Variants in NEO1 observed in about 807,000 individuals in gnomAD.
NEO1 encodes the protein neogenin.
In NEO1, 63 loss-of-function variants were observed where a neutral mutation model predicts 159.7. That is an observed-to-expected ratio of 0.39 (90% CI 0.32 to 0.49). The LOEUF is 0.49. NEO1 is among the 20% of genes least tolerant of loss of function. NEO1 has a pLI of 0.85. For missense variants in NEO1, 1,615 were observed against 1,831.0 expected (o/e 0.88, Z 2.15); for synonymous variants, 633 against 662.0 (o/e 0.96, Z 0.67).
intron 22 of NEO1, among the ~76,000 whole-genome samples, chr15:73,281,452 T>C (rs868468860): frequency 5.9e-5 from 9 of 151,992 alleles, no homozygotes; most frequent in African/African-American, 2.2e-4. Flanking sequence ...AGACGAGGTT[T>C]CACCATGTTA....
At chr15:73,219,229 G>A (rs1338658465) in intron 7 of NEO1, among the ~76,000 whole-genome samples, 46 of 152,004 alleles carry the variant, frequency 3.0e-4, no homozygotes, top group Admixed American at 2.7e-3. Flanking sequence ...GTAGTTGAGC[G>A]GCTTTGAGTG....
intron 5 of NEO1, among the ~76,000 whole-genome samples, chr15:73,145,066 A>C (rs2032771955): frequency 6.6e-6 from 1 of 152,186 alleles, no homozygotes; most frequent in Non-Finnish European, 1.5e-5. Flanking sequence ...TCTTTCATTA[A>C]AAACTTGGAA....
At chr15:73,207,111 G>A (rs756259773) in intron 7 of NEO1, among the ~76,000 whole-genome samples, 3 of 152,168 alleles carry the variant, frequency 2.0e-5, no homozygotes, top group Non-Finnish European at 2.9e-5. Flanking sequence ...AATCCAGCTT[G>A]ATCCAATCAC....
At chr15:73,300,645 C>T (rs200906040) in intron 27 of NEO1, among the ~76,000 whole-genome samples, 26 of 152,294 alleles carry the variant, frequency 1.7e-4, no homozygotes, top group Non-Finnish European at 3.2e-4. Context: ...GCTGGAGAAT[C>T]ACTTGAACCC....
intron 1 of NEO1, among the ~76,000 whole-genome samples, chr15:73,062,897 C>T (rs1372558037): frequency 6.6e-6 from 1 of 152,106 alleles, no homozygotes; most frequent in Non-Finnish European, 1.5e-5. Context: ...AACGTAGGCT[C>T]ACAGGTTATC....
Position 73,266,414 on chromosome 15 carries a change from A to G in NEO1, c.2494+3A>G. On this transcript the variant is annotated splice_donor_region_variant and intron_variant, in intron 16 of 28. Transcript: ENST00000261908. ...TGCTGTGACCAGGCCTCACACAGGTAAGGTATCCTATCTTTCCTAGTCTCC... is the reference window on the plus strand; with the variant it reads ...TGCTGTGACCAGGCCTCACACAGGTGAGGTATCCTATCTTTCCTAGTCTCC... 1 of 1,604,996 alleles carries G rather than the reference A, an allele frequency of 6.2e-7. No homozygotes were observed.
chr15:73,126,660 T>G (rs1029955546), intron 4 of NEO1, 90 bp downstream of exon 4: 5 of 1,228,332 alleles, frequency 4.1e-6, no homozygotes, highest in Non-Finnish European at 5.6e-6. Flanking sequence ...TTAAAAAGAT[T>G]ATCAACTTTA....
chr15:73,233,505 A>C (rs115242166), intron 7 of NEO1, among the ~76,000 whole-genome samples: 1 of 152,168 alleles, frequency 6.6e-6, no homozygotes, highest in South Asian at 2.1e-4. Flanking sequence ...ATAAATGTAC[A>C]CTTGGTTATC....
At chr15:73,112,517 A>G (rs1343513288) in intron 1 of NEO1, among the ~76,000 whole-genome samples, 1 of 152,098 alleles carries the variant, frequency 6.6e-6, no homozygotes, top group East Asian at 1.9e-4. Context: ...GCCTAACTCC[A>G]GGATTATCCT....
intron 1 of NEO1, among the ~76,000 whole-genome samples, chr15:73,066,208 G>T (rs2068211652): frequency 8.1e-6 from 1 of 123,448 alleles, no homozygotes; most frequent in Non-Finnish European, 1.7e-5. Context: ...TGTACGTTTA[G>T]TAGTGACGGG....
rs2042464356 is a variant in NEO1, at chr15:73,298,411, C to T, written c.3965C>T (p.Thr1322Ile). 1 of 1,614,234 alleles carries T rather than the reference C, an allele frequency of 6.2e-7. No individual in the cohort carries two copies. Among genetic ancestry groups the T allele is most frequent in the African/African-American group, 1.3e-5 (1 of 75,060 alleles). Residue 1322 changes from threonine to isoleucine, a missense_variant, in exon 27 of 29, where the codon ACT becomes ATT. This residue lies in a region of NEO1 where 471 missense variants were observed against 498.9 expected (regional missense o/e 0.94). Coordinates refer to ENST00000261908, the MANE Select transcript of NEO1 (RefSeq NM_002499.4). ...GCCTCTTCGTCTCAAACATGCTGCA[C>T]TGATCACCAGGACCCTGAAGGTGCT... ...MPASSSQTCC[T>I]DHQDPEGATS...
chr15:73,097,036 G>A (rs1948064687), intron 1 of NEO1, among the ~76,000 whole-genome samples: 1 of 152,026 alleles, frequency 6.6e-6, no homozygotes, highest in African/African-American at 2.4e-5. Flanking sequence ...GAGGCGGAAG[G>A]ATCAATTGAG....
In NEO1 at chr15:73,236,333, T is replaced by C. The variant is rs1388463146; in HGVS notation, c.1292-14T>C. 2 of 1,614,178 alleles carry C rather than the reference T, an allele frequency of 1.2e-6. No homozygotes were observed. The highest frequency in any genetic ancestry group is 1.7e-6 in the Non-Finnish European group (2 of 1,180,008). On this transcript the variant is annotated splice_polypyrimidine_tract_variant and intron_variant, in intron 7 of 28. Transcript: ENST00000261908. Reference sequence around the variant, plus strand: ...CTCCCACTTCACTGACCAGTGCCACTACTGACCATCTAGCACCAGCCACAA... The same window carrying C: ...CTCCCACTTCACTGACCAGTGCCACCACTGACCATCTAGCACCAGCCACAA...
intron 1 of NEO1, among the ~76,000 whole-genome samples, chr15:73,061,494 AC>A (rs886211338): frequency 6.6e-6 from 1 of 152,178 alleles, no homozygotes; most frequent in Admixed American, 6.5e-5. Flanking sequence ...AGGAAGTGTG[AC>A]CAGGAGGGGA....
intron 5 of NEO1, among the ~76,000 whole-genome samples, chr15:73,165,680 G>A (rs2034523837): frequency 6.6e-6 from 1 of 152,198 alleles, no homozygotes; most frequent in African/African-American, 2.4e-5. Context: ...GACACAAAGG[G>A]TGAGGTTGGA....
At chr15:73,268,046 A>G (rs926028006) in intron 16 of NEO1, among the ~76,000 whole-genome samples, 4 of 152,074 alleles carry the variant, frequency 2.6e-5, no homozygotes, top group Admixed American at 6.6e-5. Context: ...GGTGTGAGCT[A>G]TGTCACTCTA....
At chr15:73,116,418 T>G in intron 1 of NEO1, 122 bp from the exon 2 acceptor site, 1 of 713,706 alleles carries the variant, frequency 1.4e-6, no homozygotes, top group Admixed American at 5.1e-5. Context: ...GAGATGACTA[T>G]ATTTATGTGT....
intron 1 of NEO1, among the ~76,000 whole-genome samples, chr15:73,076,441 C>G (rs901646916): frequency 2.6e-5 from 4 of 152,114 alleles, no homozygotes; most frequent in Admixed American, 1.3e-4. Context: ...GTCCTTTCTG[C>G]TAAATGAATG....
chr15:73,133,860 C>T (rs1051937185), intron 4 of NEO1, among the ~76,000 whole-genome samples: 1 of 152,146 alleles, frequency 6.6e-6, no homozygotes, highest in East Asian at 1.9e-4. Context: ...AAATCAATCC[C>T]GTTAAGAAAG....
Sources: allele counts gnomAD v4.1 joint callset (sites outside exome capture counted in the v4.1 genomes callset), GRCh38; gene constraint gnomAD v4.1.1; regional missense constraint gnomAD v4.1.1; transcripts MANE v1.5; gene names NCBI Gene and HGNC (gene_info 2026-07-23, HGNC 2026-07-21).